FAF1: variants seen among roughly 807,000 people sequenced by gnomAD.
The protein encoded by FAF1 is Fas associated factor 1, also known as FAS-associated factor 1.
A neutral mutation model predicts 92.5 loss-of-function variants in FAF1; 25 were observed. The ratio of observed to expected loss-of-function variants is 0.27; its 90% CI spans 0.20 to 0.38. The LOEUF (loss-of-function observed/expected upper bound fraction) is 0.38, where lower values mean the gene tolerates loss of function less well. Among genes scored for constraint, FAF1 ranks in the 10% least tolerant of loss-of-function variants. FAF1 has a pLI of 1.00. For missense variants in FAF1, 636 were observed against 793.3 expected (o/e 0.80, Z 2.38); for synonymous variants, 234 against 273.2 (o/e 0.86, Z 1.42).
At chr1:50,591,404 G>A (rs915623000) in intron 9 of FAF1, among the ~76,000 whole-genome samples, 4 of 152,170 alleles carry the variant, frequency 2.6e-5, no homozygotes, top group African/African-American at 9.7e-5. Context: ...CAGGTGCAGT[G>A]GCTCATGCCT....
At chr1:50,546,623 C>A (rs1010448748) in intron 13 of FAF1, among the ~76,000 whole-genome samples, 6 of 152,178 alleles carry the variant, frequency 3.9e-5, no homozygotes, top group African/African-American at 1.4e-4. Context: ...CTCAGCCTCC[C>A]AAAGTGCTGA....
intron 1 of FAF1, among the ~76,000 whole-genome samples, chr1:50,939,889 G>A (rs1242276421): frequency 1.3e-5 from 2 of 152,078 alleles, no homozygotes; most frequent in African/African-American, 4.8e-5. Context: ...ATTACAGTAT[G>A]TCAATAAAAG....
At chr1:50,900,598 C>A (rs1029250634) in intron 1 of FAF1, among the ~76,000 whole-genome samples, 1 of 152,060 alleles carries the variant, frequency 6.6e-6, no homozygotes, top group Non-Finnish European at 1.5e-5. Flanking sequence ...TCTCTATTAT[C>A]TACAGAGAAA....
intron 2 of FAF1, among the ~76,000 whole-genome samples, chr1:50,808,239 C>T (rs1662281942): frequency 6.6e-6 from 1 of 152,158 alleles, no homozygotes; most frequent in Non-Finnish European, 1.5e-5. Flanking sequence ...CTAGACCTGA[C>T]TTACCAGAAC....
intron 15 of FAF1, among the ~76,000 whole-genome samples, chr1:50,522,580 G>T (rs1647559581): frequency 1.3e-5 from 2 of 152,094 alleles, no homozygotes; most frequent in Admixed American, 6.5e-5. Context: ...AAACTGCTCA[G>T]GATTAAAGTT....
At chr1:50,481,223 C>G (rs2149002444) in intron 17 of FAF1, among the ~76,000 whole-genome samples, 1 of 152,224 alleles carries the variant, frequency 6.6e-6, no homozygotes, top group East Asian at 1.9e-4. Context: ...CCTAGTGTGG[C>G]CTAAGTGTAC....
At chr1:50,933,225 C>T (rs1329446132) in intron 1 of FAF1, among the ~76,000 whole-genome samples, 3 of 152,292 alleles carry the variant, frequency 2.0e-5, no homozygotes, top group South Asian at 2.1e-4. Context: ...TTTTCTACTG[C>T]GTCAGGCTGC....
chr1:50,653,186 C>A (rs955653551), intron 8 of FAF1, among the ~76,000 whole-genome samples: 21 of 151,308 alleles, frequency 1.4e-4, no homozygotes, highest in Middle Eastern at 3.4e-3. Flanking sequence ...AAAAAAAAAA[C>A]CACAAGAAAA....
intron 8 of FAF1, among the ~76,000 whole-genome samples, chr1:50,605,712 A>C (rs1441833435): frequency 6.6e-6 from 1 of 152,202 alleles, no homozygotes; most frequent in African/African-American, 2.4e-5. Context: ...GAACATATTA[A>C]ACACATTGCC....
chr1:50,934,317 G>A (rs774167362), intron 1 of FAF1, among the ~76,000 whole-genome samples: 3 of 152,000 alleles, frequency 2.0e-5, no homozygotes, highest in Non-Finnish European at 2.9e-5. Context: ...CATGTCTTCT[G>A]TAGATCCATA....
intron 1 of FAF1, among the ~76,000 whole-genome samples, chr1:50,872,078 A>AG (rs1189635935): frequency 2.0e-5 from 3 of 151,740 alleles, no homozygotes; most frequent in African/African-American, 7.3e-5. Context: ...AAAAAAAAAA[A>AG]AAAAGAAAAA....
chr1:50,690,900 T>A (rs1380394153), intron 7 of FAF1, among the ~76,000 whole-genome samples: 1 of 152,250 alleles, frequency 6.6e-6, no homozygotes, highest in African/African-American at 2.4e-5. Context: ...CATTGTCATA[T>A]GTATCTGTAT....
intron 2 of FAF1, among the ~76,000 whole-genome samples, chr1:50,849,324 C>T (rs1644329141): frequency 6.6e-6 from 1 of 151,230 alleles, no homozygotes; most frequent in African/African-American, 2.4e-5. Context: ...TTGTTGTGTA[C>T]TGTATTTATA....
intron 2 of FAF1, among the ~76,000 whole-genome samples, chr1:50,827,338 C>T (rs1008187019): frequency 6.6e-6 from 1 of 152,158 alleles, no homozygotes; most frequent in Non-Finnish European, 1.5e-5. Context: ...CCCCCAACTC[C>T]GTGCCCTCTG....
rs1054998513 is a variant in FAF1 at position 50,583,006 on chromosome 1, T to A, written c.1032-307A>T. 2.0e-5 allele frequency among the ~76,000 whole-genome samples: 3 copies of A among 152,110 alleles called. No homozygotes were observed. Among genetic ancestry groups the A allele is most frequent in the African/African-American group, 7.2e-5 (3 of 41,464 alleles). On this transcript the variant is annotated intron_variant, in intron 11 of 18. Coordinates refer to ENST00000396153, the MANE Select transcript of FAF1 (RefSeq NM_007051.3). This position sits in a 1 kb window ranked among gnomAD's most constrained non-coding sequence, Gnocchi z 4.2. ...CTCACTTTCATATGATTTTACTAGT[T>A]ACATTAGCCTTATTTTCCCACTTCA...
At chr1:50,751,800 C>A (rs1481670099) in intron 4 of FAF1, among the ~76,000 whole-genome samples, 1 of 152,168 alleles carries the variant, frequency 6.6e-6, no homozygotes, top group Admixed American at 6.5e-5. Context: ...CTGTAAAAAT[C>A]TCTATCTAAT....
intron 17 of FAF1, among the ~76,000 whole-genome samples, chr1:50,485,688 A>C (rs1329590152): frequency 3.3e-5 from 5 of 150,436 alleles, no homozygotes; most frequent in Admixed American, 1.3e-4. Context: ...AAAAAAAAAA[A>C]AAAAAAAACC....
chr1:50,745,083 T>A (rs1020270800), intron 4 of FAF1, among the ~76,000 whole-genome samples: 1 of 151,534 alleles, frequency 6.6e-6, no homozygotes, highest in Non-Finnish European at 1.5e-5. Context: ...AGACCAGGAG[T>A]TCAAGACTGG....
intron 2 of FAF1, among the ~76,000 whole-genome samples, chr1:50,855,375 A>C (rs1644382663): frequency 6.6e-6 from 1 of 151,794 alleles, no homozygotes. Context: ...GTAGTGCCTA[A>C]CTCAGATTCC....
Sources: allele counts gnomAD v4.1 joint callset (sites outside exome capture counted in the v4.1 genomes callset), GRCh38; gene constraint gnomAD v4.1.1; non-coding constraint Gnocchi (gnomAD v3.1); transcripts MANE v1.5; gene names NCBI Gene and HGNC (gene_info 2026-07-23, HGNC 2026-07-21).